Variants in PDE4C observed in about 807,000 individuals in gnomAD.
PDE4C encodes 3',5'-cyclic-AMP phosphodiesterase 4C.
Under a neutral mutation model 63.9 loss-of-function variants are expected in PDE4C, and 50 were observed. The observed-to-expected ratio is 0.78, with a 90% CI of 0.62 to 0.99. PDE4C has a LOEUF of 0.99. Ranked by LOEUF, PDE4C falls within the 50% of genes least tolerant of loss-of-function variation. PDE4C has a pLI of 0.00. For missense variants in PDE4C, 777 were observed against 899.1 expected, an observed-to-expected ratio of 0.86 and a Z score of 1.74; for synonymous variants, 377 against 385.1, an observed-to-expected ratio of 0.98 and a Z score of 0.25.
In PDE4C at chr19:18,211,735, G is replaced by A. The variant is rs200307296; in HGVS notation, c.1695+24C>T. 3.7e-5 allele frequency: 59 copies of A among 1,612,464 alleles called. No homozygotes were observed. The African/African-American group carries it at 3.9e-4, about 11-fold the overall frequency. ...CTTTTACTTCCTCCCAGTGTCTACCGGTTCAGCCCAGTCCCCTGCCAACCT... is the reference window on the plus strand; with the variant it reads ...CTTTTACTTCCTCCCAGTGTCTACCAGTTCAGCCCAGTCCCCTGCCAACCT... On this transcript the variant is annotated intron_variant, in intron 14 of 14. Coordinates refer to ENST00000262805, the Ensembl canonical transcript of PDE4C.
At chr19:18,249,473 C>T (rs1969199451), upstream of PDE4C, among the ~76,000 whole-genome samples, 1 of 152,014 alleles carries the variant, frequency 6.6e-6, no homozygotes, top group African/African-American at 2.4e-5. Flanking sequence ...TGGGGTTTCA[C>T]CATGTTGACC....
chr19:18,210,703 TGCCC>T (rs948941052), exon 15 of PDE4C: 4 of 525,156 alleles, frequency 7.6e-6, no homozygotes, highest in Non-Finnish European at 1.2e-5. Context: ...CGTAAGAGGC[TGCCC>T]CTTAGAGAGC....
chr19:18,245,718 T>C (rs873643), intron 1 of PDE4C, among the ~76,000 whole-genome samples: 1,581 of 152,348 alleles, frequency 0.01, 35 homozygotes, highest in African/African-American at 0.036. Flanking sequence ...GGCCTGTCAC[T>C]GCAGTTCTGT....
At chr19:18,239,953 G>A (rs561890130) in intron 1 of PDE4C, among the ~76,000 whole-genome samples, 4 of 151,860 alleles carry the variant, frequency 2.6e-5, no homozygotes, top group Non-Finnish European at 4.4e-5. Flanking sequence ...TTGAACCCAG[G>A]GGGTAGAGGT....
rs764500253 is a variant in PDE4C, at chr19:18,226,349, A to AGCCGCGCGGGGATCCCCGAGGGG, written c.44_66dup (p.Ser23ProfsTer18). The AGCCGCGCGGGGATCCCCGAGGGG allele has an allele frequency of 6.6e-7, 1 of 1,524,158 alleles. No homozygotes were observed. The highest frequency in any genetic ancestry group is 1.2e-5 in the South Asian group (1 of 82,260). The allele number at this position is 1,524,158 out of a possible 1,614,324, so 94.4% of individuals were successfully genotyped here. ...AAAAGCTTCCTGAAGAGCCCGGGGG[A>AGCCGCGCGGGGATCCCCGAGGGG]GCCGCGCGGGGATCCCCGAGGGGAG... On this transcript the variant is annotated frameshift_variant, in exon 1 of 15. Transcript: ENST00000262805. LOFTEE classifies it high-confidence loss of function.
chr19:18,211,902 G>T, exon 14 of PDE4C: 1 of 1,614,218 alleles, frequency 6.2e-7, no homozygotes, highest in Non-Finnish European at 8.5e-7. Flanking sequence ...GGCTTGGTGG[G>T]GTTGCTCAGA....
rs1194714507 is a variant in PDE4C at position 18,220,324 on chromosome 19, G to A, written c.613-5C>T. 1 of 1,614,068 alleles carries A rather than the reference G, an allele frequency of 6.2e-7. No individual in the cohort carries two copies. The highest frequency in any genetic ancestry group is 8.5e-7 in the Non-Finnish European group (1 of 1,179,960). ...CCGGTTCAGGATCCGCTTGAACTGG[G>A]GCGGAGAGAAGGTGAAGACCGTGAT... On this transcript the variant is annotated splice_polypyrimidine_tract_variant and splice_region_variant and intron_variant, in intron 6 of 14. Coordinates refer to ENST00000262805, the Ensembl canonical transcript of PDE4C. This position sits in a 1 kb window ranked among gnomAD's most constrained non-coding sequence, Gnocchi z 5.1.
chr19:18,233,675 T>C (rs527733549), upstream of PDE4C: 4 of 352,968 alleles, frequency 1.1e-5, no homozygotes, highest in South Asian at 6.3e-5. Context: ...TAGCTTTGGG[T>C]TCTCCGGGTG....
Position 18,246,349 on chromosome 19 carries a change from A to ATTT in PDE4C, c.-210+1819_-210+1821dup, listed in dbSNP as rs549395251. Reference sequence around the variant, plus strand: ...CAGGCGTACACCACCATGACTGGCTATTTTTTTTTTTTTAATAGAGATAGG... The same window carrying ATTT: ...CAGGCGTACACCACCATGACTGGCTATTTTTTTTTTTTTTTTAATAGAGATAGG... On this transcript the variant is annotated intron_variant, in intron 1 of 15. Transcript: ENST00000594617. Among the ~76,000 whole-genome samples the ATTT allele has an allele frequency of 1.8e-3, 228 of 127,732 alleles. 2 individuals carry two copies. The highest frequency in any genetic ancestry group is 5.8e-3 in the African/African-American group (203 of 34,862). 83.8% of individuals were successfully genotyped at this position (127,732 alleles called of 152,430 possible).
chr19:18,214,018 G>A (rs762435518), intron 12 of PDE4C, among the ~76,000 whole-genome samples: 1 of 152,160 alleles, frequency 6.6e-6, no homozygotes, highest in African/African-American at 2.4e-5. Context: ...CAGCACTTTG[G>A]GAGGCCGAGG....
chr19:18,251,933 A>G (rs1969235029), upstream of PDE4C: 1 of 396,874 alleles, frequency 2.5e-6, no homozygotes, highest in East Asian at 3.6e-5. Flanking sequence ...AGCTTTAGAC[A>G]ATGGAGCAGA....
At chr19:18,225,056 T>TG (rs1412783423) in intron 1 of PDE4C, among the ~76,000 whole-genome samples, 2 of 152,174 alleles carry the variant, frequency 1.3e-5, no homozygotes, top group African/African-American at 4.8e-5. Context: ...GGTTAAGGAC[T>TG]GGGCCCGGGT....
chr19:18,211,688 C>A, intron 14 of PDE4C, 71 bp downstream of exon 14: 1 of 1,552,412 alleles, frequency 6.4e-7, no homozygotes, highest in Non-Finnish European at 8.9e-7. Context: ...AACCAGGGCT[C>A]GTGGGGTTGG....
At chr19:18,246,173 A>G (rs2384986) in intron 1 of PDE4C, among the ~76,000 whole-genome samples, 109,180 of 147,118 alleles carry the variant, frequency 0.74, 40,911 homozygotes, top group African/African-American at 0.87. Context: ...CCGCCACCAC[A>G]CCAGGCTAAT....
intron 12 of PDE4C, among the ~76,000 whole-genome samples, 167 bp from the exon 13 acceptor site, chr19:18,213,657 A>T (rs1312371330): frequency 1.3e-5 from 2 of 152,248 alleles, no homozygotes; most frequent in African/African-American, 4.8e-5. Context: ...TCTGCTCAAA[A>T]GAGGGGCTCA....
chr19:18,251,749 C>T (rs1005080970), upstream of PDE4C, among the ~76,000 whole-genome samples: 17 of 134,926 alleles, frequency 1.3e-4, no homozygotes, highest in Non-Finnish European at 2.6e-4. Context: ...CACCGCGCCC[C>T]GCCATTTTTA....
upstream of PDE4C, among the ~76,000 whole-genome samples, chr19:18,236,099 C>T (rs1156542717): frequency 5.3e-5 from 8 of 151,976 alleles, no homozygotes; most frequent in African/African-American, 9.6e-5. Context: ...CCCGCCACTA[C>T]GCCTGGCTAA....
chr19:18,224,474 T>G (rs1968639370), intron 1 of PDE4C: 2 of 985,294 alleles, frequency 2.0e-6, no homozygotes, highest in Non-Finnish European at 2.4e-6. Context: ...CGGGTCTGAG[T>G]TGGGTCTGAT....
chr19:18,231,977 G>C (rs1222339192), intron 1 of PDE4C, among the ~76,000 whole-genome samples: 1 of 152,018 alleles, frequency 6.6e-6, no homozygotes, highest in Non-Finnish European at 1.5e-5. Flanking sequence ...AGGGGAGCAG[G>C]GTGGGGTGAG....
Sources: gnomAD v4.1 joint callset for allele counts (sites outside exome capture counted in the v4.1 genomes callset) on GRCh38, gnomAD v4.1.1 for gene constraint, Gnocchi (gnomAD v3.1) non-coding constraint, MANE v1.5 for transcripts, NCBI Gene and HGNC (gene_info 2026-07-23, HGNC 2026-07-21) for gene names.